TMBIM1: variants seen among roughly 807,000 people sequenced by gnomAD.
The protein encoded by TMBIM1 is transmembrane BAX inhibitor motif containing 1.
In TMBIM1, 34 loss-of-function variants were observed where a neutral mutation model predicts 45.1. That is an observed-to-expected ratio of 0.75 (90% CI 0.57 to 1.00). The LOEUF (loss-of-function observed/expected upper bound fraction) is 1.00. Among genes scored for constraint, TMBIM1 ranks in the 50% least tolerant of loss-of-function variants. The pLI is 0.00. For missense variants in TMBIM1, 374 were observed against 402.4 expected (o/e 0.93, Z 0.60); for synonymous variants, 157 against 153.5 (o/e 1.02, Z -0.17).
At chr2:218,287,044 C>T (rs13005100) in intron 1 of TMBIM1, among the ~76,000 whole-genome samples, 53,522 of 151,940 alleles carry the variant, frequency 0.35, 9,847 homozygotes, top group Middle Eastern at 0.5. Flanking sequence ...TAAAAAGATA[C>T]ACCCAGGAGT....
rs1025577210 is a variant in TMBIM1, at chr2:218,291,042, G to A, written c.-41+1424C>T. Among the ~76,000 whole-genome samples, 3 of 152,198 alleles carry A rather than the reference G, an allele frequency of 2.0e-5. No homozygotes were observed. The South Asian group carries it at 6.2e-4, about 31-fold the overall frequency. ...TGAAAGGCCCAGGGTGAGGCCTGCGGTTGGAGGTGCTCTGAGGTAGACAGC... is the reference window on the plus strand; with the variant it reads ...TGAAAGGCCCAGGGTGAGGCCTGCGATTGGAGGTGCTCTGAGGTAGACAGC... On this transcript the variant is annotated intron_variant, in intron 1 of 11. Coordinates refer to ENST00000258412, the MANE Select transcript of TMBIM1 (RefSeq NM_022152.6).
At chr2:218,284,616 C>T (rs1692352587) in intron 1 of TMBIM1, among the ~76,000 whole-genome samples, 1 of 152,236 alleles carries the variant, frequency 6.6e-6, no homozygotes, top group Non-Finnish European at 1.5e-5. Flanking sequence ...AGTAGGCCTG[C>T]CTGCACTGCA....
Position 218,275,307 on chromosome 2 carries a change from C to T in TMBIM1, c.*168G>A. On this transcript the variant is annotated 3_prime_UTR_variant, in exon 12 of 12. Coordinates refer to ENST00000258412, the MANE Select transcript of TMBIM1 (RefSeq NM_022152.6). ...TAGCTCCTCCGTCCCCACCAAGTAC[C>T]CACACATCCATAGCCAGAGAGGCCA... The T allele has an allele frequency of 1.2e-6, 1 of 828,136 alleles. No individual in the cohort carries two copies. The highest frequency in any genetic ancestry group is 1.7e-6 in the Non-Finnish European group (1 of 573,378). The allele number at this position is 828,136 out of a possible 1,614,324, so 51.3% of individuals were successfully genotyped here.
Position 218,283,058 on chromosome 2 carries a change from C to A in TMBIM1, c.-40-877G>T, listed in dbSNP as rs146316961. ...AATCCCAGGCTCTCTGTGAGTTCTA[C>A]CTGTCTTCCAGGTGCAGTGCTAGCA... On this transcript the variant is annotated intron_variant, in intron 1 of 11. Coordinates refer to ENST00000258412, the MANE Select transcript of TMBIM1 (RefSeq NM_022152.6). Among the ~76,000 whole-genome samples the A allele has an allele frequency of 8.9e-4, 135 of 152,266 alleles. No individual in the cohort carries two copies. The Middle Eastern group carries it at 0.01, about 12-fold the overall frequency.
Position 218,277,941 on chromosome 2 carries a change from G to C in TMBIM1, c.507C>G (p.Thr169=). The C allele has an allele frequency of 6.2e-7, 1 of 1,614,150 alleles. No homozygotes were observed. Among genetic ancestry groups the C allele is most frequent in the East Asian group, 2.2e-5 (1 of 44,880 alleles). ...GCCACCCTTCTAGACTTACAAAAAG[G>C]GTCAGCAGAATGATGTTCCATGGGA... is the stretch of plus-strand genomic sequence containing the variant. ...RRFPWNIILL[T]LFTFAMGFMT... Residue 169 remains threonine (T), a synonymous_variant, in exon 7 of 12, where the codon ACC becomes ACG. Coordinates refer to ENST00000258412, the MANE Select transcript of TMBIM1 (RefSeq NM_022152.6).
At chr2:218,284,141 G>T (rs1291695752) in intron 1 of TMBIM1, 1 of 139,170 alleles carries the variant, frequency 7.2e-6, no homozygotes, top group Admixed American at 8.6e-5. Context: ...TCCAGCCTGG[G>T]CAACAGAGTG....
At position 218,276,085 on chromosome 2, in the gene TMBIM1, G is replaced by A. The variant is rs947191311; in HGVS notation, c.736-6C>T. On this transcript the variant is annotated splice_region_variant and splice_polypyrimidine_tract_variant and intron_variant, in intron 10 of 11. Transcript: ENST00000258412. ...AGCATGTGGAGCCAGTAAACCTGGA[G>A]AAGAAGGGGACAGAGAATGGCATTA... 1 of 1,612,694 alleles carries A rather than the reference G, an allele frequency of 6.2e-7. No homozygotes were observed.
At chr2:218,282,347 C>A in intron 1 of TMBIM1, 166 bp from the exon 2 acceptor site, 1 of 489,260 alleles carries the variant, frequency 2.0e-6, no homozygotes, top group Non-Finnish European at 3.5e-6. Context: ...CACCTCCCCA[C>A]CAACTGGGCT....
chr2:218,274,740 G>A lies in TMBIM1; in HGVS notation c.*735C>T, dbSNP rs1399315481. The A allele has an allele frequency of 6.4e-6, 1 of 155,192 alleles. No homozygotes were observed. The highest frequency in any genetic ancestry group is 6.5e-5 in the Admixed American group (1 of 15,294). 9.6% of individuals were successfully genotyped at this position (155,192 alleles called of 1,614,324 possible). On this transcript the variant is annotated 3_prime_UTR_variant, in exon 12 of 12. Coordinates refer to ENST00000258412, the MANE Select transcript of TMBIM1 (RefSeq NM_022152.6). ...GGCCCCAGCAGCTTTCAAGAATGGGGAGCAGATGGCCACATGTGGCCTGCT... is the reference window on the plus strand; with the variant it reads ...GGCCCCAGCAGCTTTCAAGAATGGGAAGCAGATGGCCACATGTGGCCTGCT...
chr2:218,277,606 AGAGTGGTGCTT>A lies in TMBIM1; in HGVS notation c.551+16_551+26del. 6.2e-7 allele frequency: 1 copy of A among 1,614,154 alleles called. No individual in the cohort carries two copies. Among genetic ancestry groups the A allele is most frequent in the Non-Finnish European group, 8.5e-7 (1 of 1,179,984 alleles). ...CACTCCCCACAATACACATTTCCCA[AGAGTGGTGCTT>A]TATCCCTGAATGTACCTGGAAATGG... On this transcript the variant is annotated intron_variant, in intron 8 of 11. Coordinates refer to ENST00000258412, the MANE Select transcript of TMBIM1 (RefSeq NM_022152.6).
chr2:218,289,414 G>A (rs1176773941), intron 1 of TMBIM1, among the ~76,000 whole-genome samples: 5 of 152,140 alleles, frequency 3.3e-5, no homozygotes, highest in Non-Finnish European at 7.3e-5. Context: ...GGCCGAGCCA[G>A]GCGGATCACT....
intron 2 of TMBIM1, chr2:218,280,393 T>TG (rs1691782351): frequency 5.0e-6 from 2 of 400,244 alleles, no homozygotes; most frequent in South Asian, 4.8e-5. Context: ...GGGGGTTCAC[T>TG]GGGGGGTCAC....
At position 218,281,926 on chromosome 2, in the gene TMBIM1, C is replaced by T. The variant is rs1250657351; in HGVS notation, c.202+14G>A. 1.4e-5 allele frequency: 22 copies of T among 1,578,162 alleles called. No individual in the cohort carries two copies. The East Asian group carries it at 5.1e-4, about 37-fold the overall frequency. ...CCCTCCCACCCACCTTCCATCTGCC[C>T]TTCCAGGACTCACCGTAGTTCATGG... On this transcript the variant is annotated intron_variant, in intron 2 of 11. Transcript: ENST00000258412.
At chr2:218,286,160 AT>A (rs1315272734) in intron 1 of TMBIM1, among the ~76,000 whole-genome samples, 1 of 151,958 alleles carries the variant, frequency 6.6e-6, no homozygotes, top group Non-Finnish European at 1.5e-5. Flanking sequence ...GGAAGCCTGA[AT>A]TTTCCCAAAA....
intron 7 of TMBIM1, 122 bp from the exon 8 acceptor site, chr2:218,277,792 C>T: frequency 6.5e-7 from 1 of 1,543,494 alleles, no homozygotes; most frequent in Non-Finnish European, 8.9e-7. Flanking sequence ...AAAGAGGCAG[C>T]CACAGAGGAG....
At chr2:218,283,717 C>A (rs1692251233) in intron 1 of TMBIM1, among the ~76,000 whole-genome samples, 1 of 152,110 alleles carries the variant, frequency 6.6e-6, no homozygotes, top group Admixed American at 6.5e-5. Flanking sequence ...TCTTTTATGA[C>A]AACTGGGATA....
intron 3 of TMBIM1, 127 bp downstream of exon 3, chr2:218,279,899 G>T: frequency 2.7e-6 from 2 of 748,060 alleles, no homozygotes; most frequent in Non-Finnish European, 2.4e-6. Context: ...AGCAGACAAG[G>T]CTAGAGAAGA....
intron 1 of TMBIM1, 144 bp from the exon 2 acceptor site, chr2:218,282,325 C>T (rs1353698716): frequency 3.8e-6 from 2 of 528,412 alleles, no homozygotes; most frequent in African/African-American, 2.0e-5. Flanking sequence ...GTGTGATTTG[C>T]TGTCCACAGG....
chr2:218,278,925 T>G (rs1574634215), intron 5 of TMBIM1, 113 bp downstream of exon 5: 2 of 1,261,050 alleles, frequency 1.6e-6, no homozygotes, highest in East Asian at 4.8e-5. Context: ...TGGCACCAAC[T>G]TGGGGGCCCT....
Sources: allele counts gnomAD v4.1 joint callset (sites outside exome capture counted in the v4.1 genomes callset), GRCh38; gene constraint gnomAD v4.1.1; transcripts MANE v1.5; gene names NCBI Gene and HGNC (gene_info 2026-07-23, HGNC 2026-07-21).